DPP6: variants seen among roughly 807,000 people sequenced by gnomAD.
The protein encoded by DPP6 is A-type potassium channel modulatory protein DPP6.
In DPP6, 69 loss-of-function variants were observed where a neutral mutation model predicts 122.6. That is an observed-to-expected ratio of 0.56 (90% CI 0.46 to 0.69). The LOEUF (loss-of-function observed/expected upper bound fraction) is 0.69. Ranked by LOEUF, DPP6 falls within the 30% of genes least tolerant of loss-of-function variation. DPP6 has a pLI of 0.00. For missense variants in DPP6, 928 were observed against 1,116.9 expected (o/e 0.83, Z 2.41); for synonymous variants, 418 against 433.1 (o/e 0.97, Z 0.43).
chr7:154,509,468 T>C (rs1214818047), intron 3 of DPP6, among the ~76,000 whole-genome samples: 3 of 152,056 alleles, frequency 2.0e-5, no homozygotes, highest in African/African-American at 7.2e-5. Context: ...CAGTAAAAAG[T>C]CAGATAACAA....
At chr7:154,054,501 C>G (rs1183287062) in intron 1 of DPP6, among the ~76,000 whole-genome samples, 2 of 152,154 alleles carry the variant, frequency 1.3e-5, no homozygotes. Context: ...TACACACCCC[C>G]TACAGCCCTG....
At chr7:154,716,460 C>A (rs572493190) in intron 7 of DPP6, among the ~76,000 whole-genome samples, 1 of 152,298 alleles carries the variant, frequency 6.6e-6, no homozygotes, top group Admixed American at 6.5e-5. Flanking sequence ...AGAGTTCTCC[C>A]TTCAACTCTC....
chr7:154,851,256 T>G (rs903939184), intron 16 of DPP6, among the ~76,000 whole-genome samples: 1 of 151,900 alleles, frequency 6.6e-6, no homozygotes, highest in Middle Eastern at 3.4e-3. Context: ...GTTTTTTTCC[T>G]CTGTAAAATA....
In DPP6 at chr7:153,948,748, AAC is replaced by A. The variant is rs1802066213; in HGVS notation, c.51+61017_51+61018del. 3.3e-5 allele frequency among the ~76,000 whole-genome samples: 5 copies of A among 149,418 alleles called. No individual in the cohort carries two copies. The South Asian group carries it at 1.1e-3, about 34-fold the overall frequency. ...ATAATATAGACTACCTTCCCTTCAA[AAC>A]ACCCTCCCCGAGAACAGTAACTGCG... On this transcript the variant is annotated intron_variant, in intron 1 of 25. Coordinates refer to the DPP6 transcript ENST00000404039.
At chr7:154,744,970 T>C (rs1842972245) in intron 8 of DPP6, among the ~76,000 whole-genome samples, 1 of 152,250 alleles carries the variant, frequency 6.6e-6, no homozygotes, top group Non-Finnish European at 1.5e-5. Flanking sequence ...TGTTTTGATA[T>C]GTATCTTGCC....
intron 1 of DPP6, among the ~76,000 whole-genome samples, chr7:154,393,925 T>A (rs1044412126): frequency 2.0e-5 from 3 of 152,198 alleles, no homozygotes; most frequent in African/African-American, 7.2e-5. Flanking sequence ...CTGCCTTGTT[T>A]CACTTAATAT....
Position 154,474,955 on chromosome 7 carries a change from G to A in DPP6, c.375G>A (p.Leu125=), listed in dbSNP as rs3750043. The stretch of plus-strand genomic sequence containing the variant: ...TTTTTCTAGCGGAAGATAATAGTCT[G>A]TCTCAAAAGAAGAAGGTCACTGTAG... ...ILLTPAEDNS[L]SQKKKVTVED... Residue 125 remains leucine (L), a synonymous_variant, in exon 3 of 26, where the codon CTG becomes CTA. Coordinates refer to ENST00000377770, the MANE Select transcript of DPP6 (RefSeq NM_130797.4). 1,479 of 1,613,320 alleles carry A rather than the reference G, an allele frequency of 9.2e-4. 19 individuals are homozygous for A. The East Asian group carries it at 0.03, about 32-fold the overall frequency.
At chr7:154,835,335 A>G (rs1800965272) in intron 16 of DPP6, among the ~76,000 whole-genome samples, 1 of 152,128 alleles carries the variant, frequency 6.6e-6, no homozygotes, top group Non-Finnish European at 1.5e-5. Context: ...AAGCTGAAAG[A>G]GCTGCCGCCC....
intron 1 of DPP6, among the ~76,000 whole-genome samples, chr7:154,292,274 G>A (rs1346912322): frequency 6.6e-6 from 1 of 152,082 alleles, no homozygotes; most frequent in Non-Finnish European, 1.5e-5. Context: ...TCCCCCACAA[G>A]TTTCACCCTA....
At chr7:153,830,997 A>G in the DPP6 span, among the ~76,000 whole-genome samples, 3 of 152,242 alleles carry the variant, frequency 2.0e-5, no homozygotes, top group Non-Finnish European at 4.4e-5. Context: ...TACAGATCAC[A>G]TCAGGGAAAA....
intron 3 of DPP6, among the ~76,000 whole-genome samples, chr7:154,477,272 G>GCACCAGCACCAGCACCAGCACCAA (rs1822832482): frequency 6.6e-6 from 1 of 151,880 alleles, no homozygotes; most frequent in Non-Finnish European, 1.5e-5. Flanking sequence ...ACCACCAGCA[G>GCACCAGCACCAGCACCAGCACCAA]CACCAGCACC....
At chr7:154,753,560 C>A (rs1843505787) in intron 8 of DPP6, among the ~76,000 whole-genome samples, 1 of 152,188 alleles carries the variant, frequency 6.6e-6, no homozygotes, top group African/African-American at 2.4e-5. Context: ...AGAAGGCTGT[C>A]CAGCTGGGGC....
chr7:154,119,530 G>C (rs928536369), intron 1 of DPP6, among the ~76,000 whole-genome samples: 2 of 151,476 alleles, frequency 1.3e-5, no homozygotes, highest in Admixed American at 1.3e-4. Flanking sequence ...CTGGATCTCG[G>C]GCTGGTGTCA....
At chr7:154,117,629 A>C (rs1259762064) in intron 1 of DPP6, among the ~76,000 whole-genome samples, 2 of 152,218 alleles carry the variant, frequency 1.3e-5, no homozygotes, top group African/African-American at 4.8e-5. Context: ...GCCACAATGA[A>C]ACATAATGTT....
Position 154,320,001 on chromosome 7 carries a change from AATATATATATAT to A in DPP6, c.244-126194_244-126183del, listed in dbSNP as rs71182894. 2.9e-4 allele frequency among the ~76,000 whole-genome samples: 40 copies of A among 139,284 alleles called. 1 individual carries two copies. Among genetic ancestry groups the A allele is most frequent in the Admixed American group, 2.1e-4 (3 of 13,968 alleles). The allele number at this position is 139,284 out of a possible 152,430, so 91.4% of individuals were successfully genotyped here. ...GCAAGACTCTGTCTCAAATATTTCA[AATATATATATAT>A]ATATATATATATATATATGCAACAT... On this transcript the variant is annotated intron_variant, in intron 1 of 25. Coordinates refer to ENST00000377770, the MANE Select transcript of DPP6 (RefSeq NM_130797.4).
In DPP6 at chr7:153,965,657, C is replaced by T. The variant is rs1312667400; in HGVS notation, c.51+77923C>T. ...CCTCCCGAGTAGCTGGGACTACAGGCGCCCACCACCACGCCTGGCTAATTT... is the reference window on the plus strand; with the variant it reads ...CCTCCCGAGTAGCTGGGACTACAGGTGCCCACCACCACGCCTGGCTAATTT... On this transcript the variant is annotated intron_variant, in intron 1 of 25. Coordinates refer to the DPP6 transcript ENST00000404039. Among the ~76,000 whole-genome samples, 11 of 152,190 alleles carry T rather than the reference C, an allele frequency of 7.2e-5. No homozygotes were observed. In the East Asian group the frequency reaches 7.7e-4, roughly 11 times the overall value.
At chr7:154,356,949 T>G (rs914849246) in intron 1 of DPP6, among the ~76,000 whole-genome samples, 2 of 152,206 alleles carry the variant, frequency 1.3e-5, no homozygotes, top group African/African-American at 4.8e-5. Context: ...GCTTGAGGCT[T>G]TACCATCTAG....
intron 1 of DPP6, among the ~76,000 whole-genome samples, chr7:154,405,826 A>G (rs994745216): frequency 3.1e-4 from 47 of 152,314 alleles, no homozygotes; most frequent in African/African-American, 1.1e-3. Context: ...TTTTCCTTTT[A>G]CCTGCCAAAG....
chr7:154,234,848 C>G (rs1199044996), intron 1 of DPP6, among the ~76,000 whole-genome samples: 1 of 152,160 alleles, frequency 6.6e-6, no homozygotes, highest in Non-Finnish European at 1.5e-5. Flanking sequence ...TGCTGGGCCT[C>G]TGCTCTTCCC....
Sources: allele counts gnomAD v4.1 joint callset (sites outside exome capture counted in the v4.1 genomes callset), GRCh38; gene constraint gnomAD v4.1.1; transcripts MANE v1.5; gene names NCBI Gene and HGNC (gene_info 2026-07-23, HGNC 2026-07-21).